The following GLT1D1 variants were observed in gnomAD, a reference collection of about 807,000 sequenced individuals.
GLT1D1 encodes the protein glycosyltransferase 1 domain-containing protein 1.
Under a neutral mutation model 28.7 loss-of-function variants are expected in GLT1D1, and 21 were observed. The observed-to-expected ratio is 0.73, with a 90% confidence interval of 0.52 to 1.05. The LOEUF is 1.05. Ranked by LOEUF, GLT1D1 falls within the 50% of genes least tolerant of loss-of-function variation. GLT1D1 has a pLI of 0.00. For synonymous variants in GLT1D1, 147 were observed against 124.8 expected (o/e 1.18, Z -1.19); for missense variants, 343 against 330.6 (o/e 1.04, Z -0.29).
intron 2 of GLT1D1, among the ~76,000 whole-genome samples, chr12:128,882,104 C>T (rs35027210): frequency 0.056 from 8,439 of 151,976 alleles, 402 homozygotes; most frequent in African/African-American, 0.13. Flanking sequence ...TTAAATATTG[C>T]TAAGTAAAAC....
At chr12:128,913,430 A>G (rs1871755030) in intron 4 of GLT1D1, among the ~76,000 whole-genome samples, 1 of 152,156 alleles carries the variant, frequency 6.6e-6, no homozygotes, top group Non-Finnish European at 1.5e-5. Flanking sequence ...TGTGTTGGCT[A>G]GGCTGATCTT....
chr12:128,977,994 A>G (rs1462229673), intron 7 of GLT1D1, among the ~76,000 whole-genome samples: 2 of 151,824 alleles, frequency 1.3e-5, no homozygotes, highest in Non-Finnish European at 2.9e-5. Flanking sequence ...CATGTTGGCC[A>G]GGTTGGTCTG....
intron 1 of GLT1D1, among the ~76,000 whole-genome samples, chr12:128,861,177 G>A (rs986462832): frequency 2.0e-5 from 3 of 152,194 alleles, no homozygotes; most frequent in African/African-American, 7.2e-5. Context: ...GGGGTGAAAC[G>A]CAGCCTCCCT....
intron 4 of GLT1D1, 137 bp downstream of exon 4, chr12:128,899,424 C>T: frequency 1.4e-6 from 1 of 702,050 alleles, no homozygotes; most frequent in Non-Finnish European, 2.6e-6. Context: ...TATTATGTTT[C>T]CCATAGATTG....
At chr12:128,897,208 A>T (rs11060001) in intron 3 of GLT1D1, among the ~76,000 whole-genome samples, 3 of 152,004 alleles carry the variant, frequency 2.0e-5, no homozygotes, top group Non-Finnish European at 4.4e-5. Context: ...TCACGTGAAC[A>T]TCCCATTTTT....
At chr12:128,955,059 A>G (rs947680163) in intron 6 of GLT1D1, among the ~76,000 whole-genome samples, 3 of 152,220 alleles carry the variant, frequency 2.0e-5, no homozygotes, top group Non-Finnish European at 4.4e-5. Flanking sequence ...CAGGGGAAAC[A>G]GTCAAACAGC....
At chr12:128,915,121 C>A (rs150173576) in intron 4 of GLT1D1, 132 bp downstream of exon 6, 3 of 675,850 alleles carry the variant, frequency 4.4e-6, no homozygotes, top group Non-Finnish European at 7.5e-6. Flanking sequence ...CCTCTGTCTG[C>A]GGCTTCATGA....
chr12:128,964,656 A>G (rs181960956), intron 7 of GLT1D1, among the ~76,000 whole-genome samples: 1 of 152,216 alleles, frequency 6.6e-6, no homozygotes, highest in Non-Finnish European at 1.5e-5. Context: ...GAACTGAAGC[A>G]TGGAGAAACC....
chr12:128,858,234 C>T (rs910589556), intron 1 of GLT1D1, among the ~76,000 whole-genome samples: 5 of 152,072 alleles, frequency 3.3e-5, no homozygotes, highest in Admixed American at 1.3e-4. Flanking sequence ...CACTGTATAT[C>T]GTGACTTACC....
intron 3 of GLT1D1, among the ~76,000 whole-genome samples, chr12:128,889,457 G>A (rs1359749495): frequency 1.3e-5 from 2 of 152,214 alleles, no homozygotes; most frequent in South Asian, 2.1e-4. Context: ...AATCCTGGGG[G>A]CTGCCCTGCA....
At chr12:128,970,480 G>A (rs546356448) in intron 7 of GLT1D1, among the ~76,000 whole-genome samples, 5 of 151,894 alleles carry the variant, frequency 3.3e-5, no homozygotes, top group Non-Finnish European at 1.5e-5. Flanking sequence ...CTCCCTCCCC[G>A]CAGCCACAGG....
At position 128,904,734 on chromosome 12, in the gene GLT1D1, A is replaced by G. The variant is rs983579750; in HGVS notation, c.375+5447A>G. On this transcript the variant is annotated intron_variant, in intron 4 of 7. Transcript: ENST00000281703. ...CCGCAACCTGCGGCTCCCGGATTCA[A>G]GCGATTCTCCTGCCTCAGCTTCCCA... Among the ~76,000 whole-genome samples, 4 of 149,060 alleles carry G rather than the reference A, an allele frequency of 2.7e-5. No homozygotes were observed. The East Asian group carries it at 5.8e-4, about 22-fold the overall frequency.
intron 7 of GLT1D1, among the ~76,000 whole-genome samples, chr12:128,980,858 G>A (rs990149485): frequency 6.6e-5 from 10 of 152,234 alleles, no homozygotes; most frequent in Admixed American, 2.0e-4. Context: ...CCCACTCAAC[G>A]GGGACAGTGG....
At chr12:128,893,676 C>T (rs560444818) in intron 3 of GLT1D1, among the ~76,000 whole-genome samples, 122 of 152,204 alleles carry the variant, frequency 8.0e-4, no homozygotes, top group Non-Finnish European at 5.6e-4. Flanking sequence ...ACTTCCACCT[C>T]CTGGGTTCAG....
chr12:128,927,209 T>C, intron 4 of GLT1D1, 55 bp downstream of exon 8: 1 of 1,274,186 alleles, frequency 7.8e-7, no homozygotes, highest in Non-Finnish European at 1.1e-6. Context: ...CTATATACTT[T>C]TTATGTATTT....
rs535842284 is a variant in GLT1D1 at position 128,968,154 on chromosome 12, C to T, written c.639+10511C>T. ...AGGACTGCAGGCGCCTGCCACCACACCTGGCTAATTTTTTGTATTTTCAGT... is the reference window on the plus strand; with the variant it reads ...AGGACTGCAGGCGCCTGCCACCACATCTGGCTAATTTTTTGTATTTTCAGT... On this transcript the variant is annotated intron_variant, in intron 7 of 7. Transcript: ENST00000281703. 2.0e-5 allele frequency among the ~76,000 whole-genome samples: 3 copies of T among 152,112 alleles called. No individual in the cohort carries two copies. The South Asian group carries it at 6.2e-4, about 32-fold the overall frequency.
chr12:128,905,907 C>T (rs1000824621), intron 4 of GLT1D1, among the ~76,000 whole-genome samples: 9 of 151,726 alleles, frequency 5.9e-5, no homozygotes, highest in Non-Finnish European at 1.2e-4. Flanking sequence ...TCGTGGCTCA[C>T]TGCAGCCTCA....
intron 4 of GLT1D1, among the ~76,000 whole-genome samples, chr12:128,931,317 T>C (rs914666836): frequency 1.3e-5 from 2 of 149,500 alleles, no homozygotes; most frequent in Non-Finnish European, 3.0e-5. Context: ...TAATTTTTTT[T>C]TTTTTTTTGA....
At chr12:128,982,723 C>CGTGT (rs374591114) in intron 7 of GLT1D1, among the ~76,000 whole-genome samples, 19 of 150,900 alleles carry the variant, frequency 1.3e-4, no homozygotes, top group African/African-American at 4.4e-4. Flanking sequence ...TGTATGTGTG[C>CGTGT]GTGTGTGTGT....
Sources: gnomAD v4.1 joint callset for allele counts (sites outside exome capture counted in the v4.1 genomes callset) on GRCh38, gnomAD v4.1.1 for gene constraint, MANE v1.5 for transcripts, NCBI Gene and HGNC (gene_info 2026-07-23, HGNC 2026-07-21) for gene names.